Variants in CTNND2 observed in about 807,000 individuals in gnomAD.
The protein encoded by CTNND2 is catenin delta-2.
CTNND2 carries 22 observed loss-of-function variants against 144.4 expected under a neutral mutation model. The observed-to-expected ratio is 0.15, with a 90% confidence interval of 0.11 to 0.22. The LOEUF is 0.22. Ranked by LOEUF, CTNND2 falls within the 10% of genes least tolerant of loss-of-function variation. CTNND2 has a pLI of 1.00. For synonymous variants in CTNND2, 751 were observed against 695.6 expected, an observed-to-expected ratio of 1.08 and a Z score of -1.25; for missense variants, 1,353 against 1,618.8, an observed-to-expected ratio of 0.84 and a Z score of 2.82.
intron 1 of CTNND2, among the ~76,000 whole-genome samples, chr5:11,770,356 C>T: frequency 6.7e-6 from 1 of 148,390 alleles, no homozygotes; most frequent in Admixed American, 6.8e-5. Flanking sequence ...TATAAGGATC[C>T]TGAAATACTA....
chr5:11,870,837 T>C (rs897600159), intron 1 of CTNND2, among the ~76,000 whole-genome samples: 1 of 152,188 alleles, frequency 6.6e-6, no homozygotes, highest in Non-Finnish European at 1.5e-5. Context: ...TATTACCTAC[T>C]GATAAGACAT....
At chr5:11,171,831 T>G (rs1435459502) in intron 11 of CTNND2, among the ~76,000 whole-genome samples, 2 of 152,014 alleles carry the variant, frequency 1.3e-5, no homozygotes, top group Admixed American at 6.6e-5. Context: ...TTAGCCAGAA[T>G]GAGAGAAAAC....
chr5:11,065,190 T>C (rs909759295), intron 16 of CTNND2, among the ~76,000 whole-genome samples: 10 of 152,228 alleles, frequency 6.6e-5, no homozygotes, highest in Non-Finnish European at 1.2e-4. Context: ...AAGGATTTTA[T>C]AACCTGATTC....
chr5:11,240,274 AACAC>A (rs766686380), intron 9 of CTNND2, among the ~76,000 whole-genome samples: 9 of 119,354 alleles, frequency 7.5e-5, no homozygotes, highest in Admixed American at 4.5e-4. Context: ...ACACACACCC[AACAC>A]ACACACACTC....
At chr5:11,870,144 G>A (rs1795960634) in intron 1 of CTNND2, among the ~76,000 whole-genome samples, 1 of 152,174 alleles carries the variant, frequency 6.6e-6, no homozygotes, top group Admixed American at 6.5e-5. Context: ...TAGGGGTTGG[G>A]TCCACGGAAA....
chr5:11,267,035 C>T (rs947143047), intron 9 of CTNND2, among the ~76,000 whole-genome samples: 8 of 152,182 alleles, frequency 5.3e-5, no homozygotes, highest in Admixed American at 3.3e-4. Flanking sequence ...CCCGCCACCA[C>T]GCCCGGCTAA....
intron 6 of CTNND2, among the ~76,000 whole-genome samples, chr5:11,389,128 C>A (rs1467148170): frequency 6.6e-6 from 1 of 152,184 alleles, no homozygotes; most frequent in Non-Finnish European, 1.5e-5. Context: ...TTGGCAGAGA[C>A]AATTCTTGAC....
chr5:11,499,189 G>GA (rs1400373872), intron 3 of CTNND2, among the ~76,000 whole-genome samples: 2 of 152,070 alleles, frequency 1.3e-5, no homozygotes, highest in African/African-American at 4.8e-5. Context: ...TACCTGGCCA[G>GA]AAAAAATTTC....
intron 12 of CTNND2, among the ~76,000 whole-genome samples, chr5:11,154,561 CCTCTT>C (rs1275811156): frequency 6.6e-6 from 1 of 152,186 alleles, no homozygotes; most frequent in African/African-American, 2.4e-5. Flanking sequence ...TCTATCTCCT[CCTCTT>C]CTCAGTGCTG....
At chr5:11,821,318 G>A (rs189662766) in intron 1 of CTNND2, among the ~76,000 whole-genome samples, 25 of 152,138 alleles carry the variant, frequency 1.6e-4, no homozygotes, top group South Asian at 4.1e-4. Flanking sequence ...AGTGTACTTC[G>A]CTTCACAACT....
chr5:11,651,114 G>A (rs1782626450), intron 2 of CTNND2, among the ~76,000 whole-genome samples: 2 of 152,292 alleles, frequency 1.3e-5, no homozygotes, highest in South Asian at 4.1e-4. Context: ...GGAGGCATAG[G>A]CAGGAATAAT....
At chr5:11,553,904 A>G (rs1219187623) in intron 3 of CTNND2, among the ~76,000 whole-genome samples, 3 of 152,132 alleles carry the variant, frequency 2.0e-5, no homozygotes, top group Non-Finnish European at 2.9e-5. Context: ...TTTTGAAGTA[A>G]GATGACATTT....
chr5:11,725,394 C>T (rs945984293), intron 2 of CTNND2, among the ~76,000 whole-genome samples: 9 of 152,136 alleles, frequency 5.9e-5, no homozygotes, highest in South Asian at 2.1e-4. Context: ...AAATACATTG[C>T]GGATCAAATT....
At chr5:11,323,231 T>TG (rs374479685) in intron 9 of CTNND2, among the ~76,000 whole-genome samples, 65,361 of 121,026 alleles carry the variant, frequency 0.54, 18,401 homozygotes, top group East Asian at 0.71. Flanking sequence ...ATTTAGAGAT[T>TG]GGGGGGGGGG....
chr5:11,364,815 T>C lies in CTNND2; in HGVS notation c.1253A>G (p.His418Arg), dbSNP rs755713406. 2.5e-6 allele frequency: 4 copies of C among 1,613,764 alleles called. No individual in the cohort carries two copies. Among genetic ancestry groups the C allele is most frequent in the African/African-American group, 2.7e-5 (2 of 74,898 alleles). The change falls in exon 8 of 22, where the codon CAC (histidine) becomes CGC (arginine). Residue 418 changes from histidine (H) to arginine (R), a missense_variant. Coordinates refer to ENST00000304623, the MANE Select transcript of CTNND2 (RefSeq NM_001332.4). ...PELRALQSPE[H>R]HIDPIYEDRV... Reference sequence around the variant, plus strand: ...GTCTTCATAGATGGGATCTATGTGGTGTTCTGGGGACTGCAGGGCCCGCAA... The same window carrying C: ...GTCTTCATAGATGGGATCTATGTGGCGTTCTGGGGACTGCAGGGCCCGCAA...
intron 3 of CTNND2, among the ~76,000 whole-genome samples, chr5:11,436,440 A>C (rs1287610357): frequency 6.6e-6 from 1 of 152,194 alleles, no homozygotes; most frequent in Non-Finnish European, 1.5e-5. Flanking sequence ...ATTGGAGGAG[A>C]GAAAATACAA....
intron 1 of CTNND2, among the ~76,000 whole-genome samples, chr5:11,810,389 T>C (rs559070928): frequency 2.8e-4 from 43 of 152,312 alleles, no homozygotes; most frequent in Admixed American, 3.9e-4. Context: ...GGATTTACTA[T>C]AGAAAATTAC....
chr5:11,538,551 C>T (rs1332442499), intron 3 of CTNND2, among the ~76,000 whole-genome samples: 1 of 152,166 alleles, frequency 6.6e-6, no homozygotes, highest in East Asian at 1.9e-4. Context: ...GTAACTGTGG[C>T]TGCTTCTGCT....
intron 1 of CTNND2, among the ~76,000 whole-genome samples, chr5:11,901,079 T>A (rs914457618): frequency 6.6e-6 from 1 of 152,232 alleles, no homozygotes; most frequent in Non-Finnish European, 1.5e-5. Flanking sequence ...TCAATTGGCT[T>A]GTTACAGCTG....
Sources: gnomAD v4.1 joint callset for allele counts (sites outside exome capture counted in the v4.1 genomes callset) on GRCh38, gnomAD v4.1.1 for gene constraint, MANE v1.5 for transcripts, NCBI Gene and HGNC (gene_info 2026-07-23, HGNC 2026-07-21) for gene names.